Variants in C8orf34 observed in about 807,000 individuals in gnomAD.
C8orf34 encodes the protein chromosome 8 open reading frame 34, also known as uncharacterized protein C8orf34.
C8orf34 carries 65 observed loss-of-function variants against 68.3 expected under a neutral mutation model. That is an observed-to-expected ratio of 0.95 (90% confidence interval 0.78 to 1.17). The LOEUF (loss-of-function observed/expected upper bound fraction) is 1.17, where lower values mean the gene tolerates loss of function less well. Among genes scored for constraint, C8orf34 ranks in the 50% most tolerant of loss-of-function variants. The pLI, the probability that C8orf34 is intolerant of heterozygous loss-of-function variation, is 0.00. For synonymous variants in C8orf34, 244 were observed against 241.2 expected, an observed-to-expected ratio of 1.01 and a Z score of -0.11; for missense variants, 664 against 655.4, an observed-to-expected ratio of 1.01 and a Z score of -0.14.
intron 1 of C8orf34, among the ~76,000 whole-genome samples, chr8:68,391,966 G>A (rs1808497049): frequency 1.3e-5 from 2 of 152,196 alleles, no homozygotes; most frequent in East Asian, 3.9e-4. Flanking sequence ...GAAAACCAAT[G>A]AACATCGCTA....
At chr8:68,429,809 T>TAATAATAATAATAATAATAATAATAAACA (rs1810378529) in intron 1 of C8orf34, among the ~76,000 whole-genome samples, 1 of 152,200 alleles carries the variant, frequency 6.6e-6, no homozygotes, top group African/African-American at 2.4e-5. Context: ...ATAGATATTG[T>TAATAATAATAATAATAATAATAATAAACA]ATGTGCCTGT....
rs906215745 is a variant in C8orf34 at position 68,790,889 on chromosome 8, T to G, written c.1549+3353T>G. 7 of 700,810 alleles carry G rather than the reference T, an allele frequency of 1.0e-5. No homozygotes were observed. The African/African-American group carries it at 1.1e-4, about 11-fold the overall frequency. 43.4% of individuals were successfully genotyped at this position (700,810 alleles called of 1,614,324 possible). A position where few individuals can be genotyped will look rare whatever the true frequency, so the allele number is the denominator to read the frequency against. ...TCATACTTTGGTAATATTTGCTTAT[T>G]CTAAAAGTTGAGAACTAGAAGAAAA... is the stretch of plus-strand genomic sequence containing the variant. On this transcript the variant is annotated intron_variant, in intron 12 of 13. Transcript: ENST00000518698.
chr8:68,788,418 G>T (rs1823902947), intron 12 of C8orf34, among the ~76,000 whole-genome samples: 1 of 152,198 alleles, frequency 6.6e-6, no homozygotes, highest in East Asian at 1.9e-4. Context: ...TGTGGTCAGA[G>T]GGAGCACAGG....
Position 68,584,060 on chromosome 8 carries a change from G to A in C8orf34, c.1105+50911G>A, listed in dbSNP as rs1817139823. 2.0e-5 allele frequency among the ~76,000 whole-genome samples: 3 copies of A among 152,132 alleles called. No homozygotes were observed. In the South Asian group the frequency reaches 6.2e-4, roughly 31 times the overall value. ...AATGTTTGAAAATTGTTAATGTAGA[G>A]TATTGAGGACAATTCCTCTCTAGCT... is the stretch of plus-strand genomic sequence containing the variant. On this transcript the variant is annotated intron_variant, in intron 7 of 13. Transcript: ENST00000518698.
At chr8:68,522,862 G>C (rs2380473) in intron 6 of C8orf34, among the ~76,000 whole-genome samples, 8 of 152,100 alleles carry the variant, frequency 5.3e-5, no homozygotes, top group African/African-American at 1.4e-4. Context: ...CGTCACAGAA[G>C]AGTTTTTCCT....
At chr8:68,746,733 C>G (rs1256511540) in intron 10 of C8orf34, among the ~76,000 whole-genome samples, 1 of 147,510 alleles carries the variant, frequency 6.8e-6, no homozygotes, top group Non-Finnish European at 1.5e-5. Flanking sequence ...GAAATTGTGG[C>G]AATAATCAAT....
chr8:68,607,418 A>C lies in C8orf34; in HGVS notation c.1106-32958A>C, dbSNP rs1429557033. Reference sequence around the variant, plus strand: ...GGCCACAGGTGGCCGCCTTTTCACTATATCTTTACATGGTGTTCTCTCTGC... The same window carrying C: ...GGCCACAGGTGGCCGCCTTTTCACTCTATCTTTACATGGTGTTCTCTCTGC... On this transcript the variant is annotated intron_variant, in intron 7 of 13. Transcript: ENST00000518698. Among the ~76,000 whole-genome samples, 4 of 152,132 alleles carry C rather than the reference A, an allele frequency of 2.6e-5. No individual in the cohort carries two copies. The East Asian group carries it at 7.8e-4, about 30-fold the overall frequency.
Position 68,418,678 on chromosome 8 carries a change from A to T in C8orf34, c.328-20821A>T, listed in dbSNP as rs962806479. 2.6e-5 allele frequency among the ~76,000 whole-genome samples: 4 copies of T among 152,318 alleles called. 1 individual carries two copies. Among genetic ancestry groups the T allele is most frequent in the Admixed American group, 2.0e-4 (3 of 15,298 alleles). ...ACAGAGCCCTCAGGAATAACACCGC[A>T]TATCTACAACTATCTGATCTTTGAC... On this transcript the variant is annotated intron_variant, in intron 1 of 13. Transcript: ENST00000518698.
intron 7 of C8orf34, among the ~76,000 whole-genome samples, chr8:68,591,119 T>G (rs1182234382): frequency 6.6e-6 from 1 of 152,086 alleles, no homozygotes; most frequent in Non-Finnish European, 1.5e-5. Flanking sequence ...GCCACCATCT[T>G]GGAAGGGAGG....
At chr8:68,776,609 G>A (rs7833861) in intron 11 of C8orf34, among the ~76,000 whole-genome samples, 160 bp downstream of exon 11, 83,493 of 152,102 alleles carry the variant, frequency 0.55, 24,979 homozygotes, top group African/African-American at 0.8. Flanking sequence ...AGGTTAGCAA[G>A]ACAGGTTTTG....
At chr8:68,569,204 C>G (rs2130246827) in intron 7 of C8orf34, among the ~76,000 whole-genome samples, 1 of 152,314 alleles carries the variant, frequency 6.6e-6, no homozygotes, top group Middle Eastern at 3.4e-3. Context: ...GCCAGCATCT[C>G]TAAAAATTTG....
intron 7 of C8orf34, among the ~76,000 whole-genome samples, chr8:68,601,885 G>A (rs1316987492): frequency 1.3e-5 from 2 of 152,118 alleles, no homozygotes; most frequent in Non-Finnish European, 2.9e-5. Flanking sequence ...CAGTCTCCCT[G>A]TTTAGGAATA....
At chr8:68,559,412 C>A (rs748156609) in intron 7 of C8orf34, among the ~76,000 whole-genome samples, 1 of 151,998 alleles carries the variant, frequency 6.6e-6, no homozygotes, top group African/African-American at 2.4e-5. Flanking sequence ...AATGATAAGA[C>A]GTATGAGTAA....
intron 10 of C8orf34, among the ~76,000 whole-genome samples, chr8:68,769,076 G>A (rs1203739365): frequency 6.6e-6 from 1 of 151,924 alleles, no homozygotes; most frequent in African/African-American, 2.4e-5. Context: ...TCATGTGGTA[G>A]TCATTTTGAT....
intron 1 of C8orf34, among the ~76,000 whole-genome samples, chr8:68,335,441 T>A (rs1224761302): frequency 3.3e-5 from 5 of 152,200 alleles, no homozygotes; most frequent in Non-Finnish European, 5.9e-5. Flanking sequence ...CTCAAAGTTA[T>A]GAAGACTTTT....
At chr8:68,436,309 A>G (rs184987054) in intron 1 of C8orf34, among the ~76,000 whole-genome samples, 156 of 152,294 alleles carry the variant, frequency 1.0e-3, no homozygotes, top group African/African-American at 3.3e-3. Context: ...CATGTTGTTT[A>G]TATTAATTTT....
intron 10 of C8orf34, among the ~76,000 whole-genome samples, chr8:68,742,746 CTTCT>C: frequency 9.2e-6 from 1 of 108,616 alleles, no homozygotes; most frequent in Admixed American, 9.8e-5. Flanking sequence ...AAAGACACAG[CTTCT>C]TTCTCACTAA....
At chr8:68,692,246 T>C (rs763115451) in intron 8 of C8orf34, among the ~76,000 whole-genome samples, 3 of 152,048 alleles carry the variant, frequency 2.0e-5, no homozygotes, top group Non-Finnish European at 4.4e-5. Flanking sequence ...TACCGTCTTG[T>C]GTGAATGAAT....
chr8:68,333,977 A>T (rs1436492223), intron 1 of C8orf34, among the ~76,000 whole-genome samples: 1 of 152,242 alleles, frequency 6.6e-6, no homozygotes, highest in Non-Finnish European at 1.5e-5. Context: ...GGTATGAGAT[A>T]CTTTAAAGAT....
Sources: allele counts gnomAD v4.1 joint callset (sites outside exome capture counted in the v4.1 genomes callset), GRCh38; gene constraint gnomAD v4.1.1; transcripts MANE v1.5; gene names NCBI Gene and HGNC (gene_info 2026-07-23, HGNC 2026-07-21).